The following DYSF variants were observed in gnomAD, a reference collection of about 807,000 sequenced individuals.
The protein encoded by DYSF is dysferlin.
In DYSF, 212 loss-of-function variants were observed where a neutral mutation model predicts 274.9. That is an observed-to-expected ratio of 0.77 (90% CI 0.69 to 0.86). The LOEUF (loss-of-function observed/expected upper bound fraction) is 0.86. DYSF is among the 40% of genes least tolerant of loss of function. DYSF has a pLI of 0.00. For missense variants in DYSF, 2,666 were observed against 2,783.2 expected (o/e 0.96, Z 0.95); for synonymous variants, 1,091 against 1,078.7 (o/e 1.01, Z -0.22).
At chr2:71,562,487 C>T (rs72900892) in intron 23 of DYSF, among the ~76,000 whole-genome samples, 2,557 of 152,230 alleles carry the variant, frequency 0.017, 76 homozygotes, top group African/African-American at 0.057. Context: ...AACTATTTCC[C>T]CACCTGCAGA....
chr2:71,684,122 G>A (rs988842521), intron 55 of DYSF, among the ~76,000 whole-genome samples: 4 of 152,220 alleles, frequency 2.6e-5, no homozygotes, highest in African/African-American at 9.6e-5. Flanking sequence ...TCTGAGGTTT[G>A]TCCATCAGCA....
intron 11 of DYSF, 138 bp downstream of exon 11, chr2:71,520,346 G>A: frequency 3.0e-6 from 3 of 998,124 alleles, no homozygotes; most frequent in Non-Finnish European, 4.8e-6. Flanking sequence ...AGAGAAAGCA[G>A]GTCATTCATC....
Position 71,551,147 on chromosome 2 carries a change from C to T in DYSF, c.1683C>T (p.Asn561=), listed in dbSNP as rs374809515. The T allele has an allele frequency of 5.5e-5, 89 of 1,614,024 alleles. No individual in the cohort carries two copies. Among genetic ancestry groups the T allele is most frequent in the Non-Finnish European group, 6.9e-5 (81 of 1,180,008 alleles). ...TGFPDPYTEL[N]TGKGEGVAYR... ...TCCCAGACCCCTACACAGAGCTCAA[C>T]ACAGGCAAGGTAAGCCGGCTGGAGC... The change falls in exon 18 of 56, where the codon AAC becomes AAT. Residue 561 remains asparagine (N), a synonymous_variant. Transcript: ENST00000410020.
chr2:71,586,002 G>A (rs1393429419), intron 30 of DYSF, among the ~76,000 whole-genome samples: 2 of 152,050 alleles, frequency 1.3e-5, no homozygotes, highest in African/African-American at 2.4e-5. Flanking sequence ...TGCAGCTGGT[G>A]TGAGCAGGTA....
intron 36 of DYSF, among the ~76,000 whole-genome samples, chr2:71,607,797 A>G (rs1317207464): frequency 6.6e-6 from 1 of 152,136 alleles, no homozygotes; most frequent in Non-Finnish European, 1.5e-5. Flanking sequence ...TGAAGAGAGC[A>G]GGTTCTGAGG....
intron 1 of DYSF, among the ~76,000 whole-genome samples, chr2:71,476,038 C>T (rs2082369086): frequency 6.6e-6 from 1 of 152,196 alleles, no homozygotes; most frequent in Non-Finnish European, 1.5e-5. Flanking sequence ...TCCCAAACTG[C>T]TGGGATTACA....
At chr2:71,676,017 C>T (rs1458621511) in intron 52 of DYSF, among the ~76,000 whole-genome samples, 2 of 152,156 alleles carry the variant, frequency 1.3e-5, no homozygotes, top group African/African-American at 4.8e-5. Context: ...TCCATCATCA[C>T]ACTTAATGCC....
chr2:71,635,473 T>C (rs2094384731), intron 41 of DYSF, among the ~76,000 whole-genome samples: 1 of 151,970 alleles, frequency 6.6e-6, no homozygotes. Context: ...GGGGGCTGGG[T>C]GCGGTGGCTC....
At chr2:71,604,040 G>A (rs2093604081) in intron 36 of DYSF, among the ~76,000 whole-genome samples, 1 of 152,158 alleles carries the variant, frequency 6.6e-6, no homozygotes, top group Non-Finnish European at 1.5e-5. Flanking sequence ...GAGGGTGGGT[G>A]TGGGTCAGCA....
chr2:71,632,817 C>T (rs531403032), intron 41 of DYSF, among the ~76,000 whole-genome samples: 2 of 152,288 alleles, frequency 1.3e-5, no homozygotes, highest in East Asian at 3.9e-4. Flanking sequence ...TGAGAAAGCA[C>T]CAGCAACCTC....
Position 71,561,751 on chromosome 2 carries a change from G to T in DYSF, c.2217-1G>T, listed in dbSNP as rs886044379. 5 of 1,614,162 alleles carry T rather than the reference G, an allele frequency of 3.1e-6. No homozygotes were observed. In the South Asian group the frequency reaches 5.5e-5, roughly 18 times the overall value. ...GCATTCCATCTGTCCGTCCCTCACA[G>T]CCAGCCTCTGGGTGACATCCATGAG... is the stretch of plus-strand genomic sequence containing the variant. On this transcript the variant is annotated splice_acceptor_variant, in intron 22 of 55. Coordinates refer to ENST00000410020, the MANE Select transcript of DYSF (RefSeq NM_001130987.2). LOFTEE classifies it high-confidence loss of function.
At chr2:71,598,277 G>A (rs1210020787) in intron 32 of DYSF, among the ~76,000 whole-genome samples, 1 of 152,234 alleles carries the variant, frequency 6.6e-6, no homozygotes, top group Non-Finnish European at 1.5e-5. Context: ...GCTGGACCCT[G>A]CTTCCAGCAG....
rs967551737 is a variant in DYSF, at chr2:71,457,251, A to C, written c.88+3165A>C. 3.3e-5 allele frequency among the ~76,000 whole-genome samples: 5 copies of C among 152,260 alleles called. No homozygotes were observed. The South Asian group carries it at 1.0e-3, about 32-fold the overall frequency. On this transcript the variant is annotated intron_variant, in intron 1 of 54. Transcript: ENST00000258104. ...CAGGTCCTTATATGTAGACATATAC[A>C]CCTCAGTCCTCTTAGCAAGCATATG...
At chr2:71,534,981 A>G (rs1358285938) in intron 14 of DYSF, 40 bp from the exon 15 acceptor site, 2 of 1,610,206 alleles carry the variant, frequency 1.2e-6, no homozygotes, top group South Asian at 1.1e-5. Flanking sequence ...CAGAGTCCCC[A>G]TGGAGCTTGA....
intron 30 of DYSF, among the ~76,000 whole-genome samples, chr2:71,577,341 A>C (rs1056747966): frequency 6.6e-6 from 1 of 151,268 alleles, no homozygotes; most frequent in Non-Finnish European, 1.5e-5. Flanking sequence ...CCACACATTC[A>C]TACACACCAA....
chr2:71,506,797 G>A (rs2085522547), intron 4 of DYSF, among the ~76,000 whole-genome samples: 1 of 152,062 alleles, frequency 6.6e-6, no homozygotes, highest in Admixed American at 6.5e-5. Context: ...CTGAAGCCAT[G>A]GTCCCTGGGG....
chr2:71,535,614 T>C (rs2089256490), intron 16 of DYSF, among the ~76,000 whole-genome samples: 1 of 151,950 alleles, frequency 6.6e-6, no homozygotes, highest in African/African-American at 2.4e-5. Flanking sequence ...GGGGTTTTGC[T>C]AAGCTCACCA....
rs536059025 is a variant in DYSF at position 71,578,835 on chromosome 2, G to A, written c.3402+4464G>A. ...GCAGGCCCTGTCTGCTCATTAGCAC[G>A]GGCAGCCTTTCCCTGAAACCTTCTG... On this transcript the variant is annotated intron_variant, in intron 30 of 55. Transcript: ENST00000410020. Among the ~76,000 whole-genome samples, 3 of 152,288 alleles carry A rather than the reference G, an allele frequency of 2.0e-5. No individual in the cohort carries two copies. In the East Asian group the frequency reaches 5.8e-4, roughly 29 times the overall value.
chr2:71,588,094 T>C (rs1171040750), intron 30 of DYSF, among the ~76,000 whole-genome samples: 1 of 152,184 alleles, frequency 6.6e-6, no homozygotes, highest in Non-Finnish European at 1.5e-5. Context: ...TGGAACAGCA[T>C]AAGCTTGCTA....
Sources: allele counts gnomAD v4.1 joint callset (sites outside exome capture counted in the v4.1 genomes callset), GRCh38; gene constraint gnomAD v4.1.1; transcripts MANE v1.5; gene names NCBI Gene and HGNC (gene_info 2026-07-23, HGNC 2026-07-21).